FUT8: variants seen among roughly 807,000 people sequenced by gnomAD.
FUT8 encodes alpha-(1,6)-fucosyltransferase.
A neutral mutation model predicts 71.3 loss-of-function variants in FUT8; 29 were observed. The ratio of observed to expected loss-of-function variants is 0.41; its 90% CI spans 0.30 to 0.55. The LOEUF is 0.55. Ranked by LOEUF, FUT8 falls within the 20% of genes least tolerant of loss-of-function variation. The pLI, the probability that FUT8 is intolerant of heterozygous loss-of-function variation, is 0.34. For missense variants in FUT8, 544 were observed against 702.1 expected (o/e 0.77, Z 2.55); for synonymous variants, 254 against 239.3 (o/e 1.06, Z -0.57).
intron 7 of FUT8, among the ~76,000 whole-genome samples, chr14:65,699,499 A>G (rs115203846): frequency 6.6e-6 from 1 of 152,172 alleles, no homozygotes; most frequent in Non-Finnish European, 1.5e-5. Context: ...TCTAGTTTAC[A>G]TGGAGGTGAG....
At chr14:65,615,850 G>T in intron 3 of FUT8, 128 bp from the exon 4 acceptor site, 2 of 614,204 alleles carry the variant, frequency 3.3e-6, no homozygotes. Context: ...ATTCCATTTG[G>T]TACTACTTTT....
At chr14:65,458,671 A>G (rs1232816185) in intron 2 of FUT8, among the ~76,000 whole-genome samples, 1 of 152,118 alleles carries the variant, frequency 6.6e-6, no homozygotes, top group Non-Finnish European at 1.5e-5. Flanking sequence ...GTTTCTGAAC[A>G]TTTTTAGATG....
intron 7 of FUT8, among the ~76,000 whole-genome samples, chr14:65,699,306 C>T (rs1161772821): frequency 1.3e-5 from 2 of 152,082 alleles, no homozygotes; most frequent in African/African-American, 4.8e-5. Context: ...GTAATGTAAC[C>T]TGGTAGTTGT....
At chr14:65,452,935 CTT>C (rs1358691803) in intron 1 of FUT8, among the ~76,000 whole-genome samples, 2 of 152,158 alleles carry the variant, frequency 1.3e-5, no homozygotes, top group African/African-American at 2.4e-5. Context: ...TATATAATAA[CTT>C]TTAATGTCCT....
chr14:65,533,249 C>T (rs779404380), intron 2 of FUT8, among the ~76,000 whole-genome samples: 3 of 152,056 alleles, frequency 2.0e-5, no homozygotes, highest in Non-Finnish European at 2.9e-5. Flanking sequence ...GGCAGTATGG[C>T]AATTTTAATT....
chr14:65,604,278 A>G (rs1279482947), intron 3 of FUT8, among the ~76,000 whole-genome samples: 1 of 151,956 alleles, frequency 6.6e-6, no homozygotes, highest in Non-Finnish European at 1.5e-5. Flanking sequence ...AGAACATTCT[A>G]CCCAGCAACC....
intron 9 of FUT8, among the ~76,000 whole-genome samples, chr14:65,730,464 G>A (rs554469665): frequency 2.6e-5 from 4 of 152,286 alleles, no homozygotes; most frequent in African/African-American, 9.6e-5. Flanking sequence ...ACTAGGTCAG[G>A]AGATTGAGAC....
At chr14:65,534,106 A>G (rs1035102980) in intron 2 of FUT8, among the ~76,000 whole-genome samples, 1 of 151,648 alleles carries the variant, frequency 6.6e-6, no homozygotes, top group Non-Finnish European at 1.5e-5. Context: ...TTTTTCCTTG[A>G]GAAACAAAGG....
Position 65,561,509 on chromosome 14 carries a change from T to C in FUT8, c.-55T>C, listed in dbSNP as rs1189801142. 2 of 1,531,672 alleles carry C rather than the reference T, an allele frequency of 1.3e-6. No individual in the cohort carries two copies. The highest frequency in any genetic ancestry group is 1.8e-6 in the Non-Finnish European group (2 of 1,108,806). The allele number at this position is 1,531,672 out of a possible 1,614,324, so 94.9% of individuals were successfully genotyped here. A position where few individuals can be genotyped will look rare whatever the true frequency, so the allele number is the denominator to read the frequency against. On this transcript the variant is annotated 5_prime_UTR_variant, in exon 3 of 11. The change abolishes an upstream ATG in the 5' untranslated region. Transcript: ENST00000673929. The stretch of plus-strand genomic sequence containing the variant: ...GCACTAACTAGAAACAGAGTTACAA[T>C]GTTTTCAATTCTTTGAGCTCCAGGA...
rs536722065 is a variant in FUT8 at position 65,527,770 on chromosome 14, CA to C, written c.-227-33566del. On this transcript the variant is annotated intron_variant, in intron 2 of 10. Coordinates refer to ENST00000673929, the MANE Select transcript of FUT8 (RefSeq NM_001371533.1). The stretch of plus-strand genomic sequence containing the variant: ...GTTTGTTAGTTTTCTAACTAACAGT[CA>C]GGACCCTCAGCTGCAGGTCTGTTGG... Among the ~76,000 whole-genome samples the C allele has an allele frequency of 2.2e-3, 334 of 152,316 alleles. 3 individuals carry two copies. Among genetic ancestry groups the C allele is most frequent in the Non-Finnish European group, 3.8e-3 (256 of 68,028 alleles).
At position 65,616,480 on chromosome 14, in the gene FUT8, C is replaced by A. The variant is rs923692528; in HGVS notation, c.482+107C>A. 28 of 985,684 alleles carry A rather than the reference C, an allele frequency of 2.8e-5. 1 individual carries two copies. In the Admixed American group the frequency reaches 6.5e-4, roughly 23 times the overall value. The allele number at this position is 985,684 out of a possible 1,614,324, so 61.1% of individuals were successfully genotyped here. On this transcript the variant is annotated intron_variant, in intron 5 of 10. Transcript: ENST00000673929. ...TGTTGAGTGGTAAATATTAATAGCA[C>A]CTACAATATTTAAGAGGCGAAGAGT... is the stretch of plus-strand genomic sequence containing the variant.
At position 65,616,364 on chromosome 14, in the gene FUT8, A is replaced by T; in HGVS notation, c.473A>T (p.His158Leu). 1 of 1,594,618 alleles carries T rather than the reference A, an allele frequency of 6.3e-7. No homozygotes were observed. The highest frequency in any genetic ancestry group is 8.5e-7 in the Non-Finnish European group (1 of 1,172,312). Residue 158 changes from histidine (H) to leucine (L), a missense_variant, in exon 5 of 11, where the codon CAT becomes CTT. Transcript: ENST00000673929. ...HADEFLLDLGHHERSIMTDLY... is the reference protein window; with the variant it reads ...HADEFLLDLGLHERSIMTDLY... ...GATGAATTTCTTTTGGATTTAGGAC[A>T]TCATGAAAGGTACTATTCTCCTTTC...
chr14:65,530,380 ATTGT>A (rs1198865761), intron 2 of FUT8, among the ~76,000 whole-genome samples: 2 of 152,122 alleles, frequency 1.3e-5, no homozygotes, highest in African/African-American at 4.8e-5. Context: ...TGTCATATAC[ATTGT>A]TTGTCCAGTT....
Position 65,737,718 on chromosome 14 carries a change from AG to A in FUT8, c.1410+4338del, listed in dbSNP as rs1434500131. 2.0e-5 allele frequency among the ~76,000 whole-genome samples: 3 copies of A among 152,270 alleles called. No individual in the cohort carries two copies. The East Asian group carries it at 5.8e-4, about 29-fold the overall frequency. On this transcript the variant is annotated intron_variant, in intron 10 of 10. Coordinates refer to ENST00000673929, the MANE Select transcript of FUT8 (RefSeq NM_001371533.1). ...TTGTTAAAGACATTGTTTAAAGAGCAGTTAATGTTACTCTGTAGTTTCAGCC... is the reference window on the plus strand; with the variant it reads ...TTGTTAAAGACATTGTTTAAAGAGCATTAATGTTACTCTGTAGTTTCAGCC...
At chr14:65,473,837 C>A (rs560230938) in intron 2 of FUT8, among the ~76,000 whole-genome samples, 3 of 152,270 alleles carry the variant, frequency 2.0e-5, no homozygotes, top group South Asian at 4.1e-4. Flanking sequence ...CTAGAAACTT[C>A]TGGTGTCACT....
At chr14:65,562,698 G>T (rs1885979831) in intron 3 of FUT8, among the ~76,000 whole-genome samples, 1 of 75,910 alleles carries the variant, frequency 1.3e-5, no homozygotes, top group South Asian at 5.5e-4. Context: ...AAGGGAAGTG[G>T]TATAGAGAAA....
rs528177177 is a variant in FUT8 at position 65,724,248 on chromosome 14, G to A, written c.1184G>A (p.Arg395His). 4.6e-5 allele frequency: 75 copies of A among 1,613,100 alleles called. No homozygotes were observed. The Admixed American group carries it at 5.9e-4, about 13-fold the overall frequency. Reference protein sequence around the residue: ...HVEEHFQLLARRMQVDKKRVY... With the variant: ...HVEEHFQLLAHRMQVDKKRVY... The stretch of plus-strand genomic sequence containing the variant: ...GAAGAACATTTTCAGCTTCTTGCAC[G>A]CAGAATGCAAGTGGACAAAAAAAGA... Residue 395 changes from arginine (R) to histidine (H), a missense_variant, in exon 9 of 11, where the codon CGC becomes CAC. Physicochemically the swap from Arg to His is conservative, Grantham distance 29. Transcript: ENST00000673929.
At chr14:65,715,631 T>C (rs1895018036) in intron 7 of FUT8, among the ~76,000 whole-genome samples, 1 of 152,252 alleles carries the variant, frequency 6.6e-6, no homozygotes, top group Admixed American at 6.5e-5. Flanking sequence ...TTTCACTGTA[T>C]CCCATAGGTT....
intron 5 of FUT8, 142 bp from the exon 6 acceptor site, chr14:65,629,350 C>A (rs1378113794): frequency 3.9e-6 from 2 of 517,420 alleles, no homozygotes; most frequent in Non-Finnish European, 6.9e-6. Context: ...ATTGCACAAC[C>A]TTGATAGAAA....
Sources: gnomAD v4.1 joint callset for allele counts (sites outside exome capture counted in the v4.1 genomes callset) on GRCh38, gnomAD v4.1.1 for gene constraint, MANE v1.5 for transcripts, NCBI Gene and HGNC (gene_info 2026-07-23, HGNC 2026-07-21) for gene names.